Variants in KCNQ5 observed in about 807,000 individuals in gnomAD.
KCNQ5 encodes potassium voltage-gated channel subfamily Q member 5.
A neutral mutation model predicts 98.2 loss-of-function variants in KCNQ5; 30 were observed. The ratio of observed to expected loss-of-function variants is 0.31; its 90% CI spans 0.23 to 0.41. The LOEUF is 0.41. KCNQ5 is among the 10% of genes least tolerant of loss of function. The pLI, the probability that KCNQ5 is intolerant of heterozygous loss-of-function variation, is 1.00. For synonymous variants in KCNQ5, 458 were observed against 449.4 expected (o/e 1.02, Z -0.24); for missense variants, 835 against 1,182.5 (o/e 0.71, Z 4.31).
chr6:72,648,489 C>G (rs1454675125), intron 1 of KCNQ5, among the ~76,000 whole-genome samples: 1 of 151,974 alleles, frequency 6.6e-6, no homozygotes, highest in African/African-American at 2.4e-5. Flanking sequence ...AATAAAGGTG[C>G]AAAAACATTT....
intron 1 of KCNQ5, among the ~76,000 whole-genome samples, chr6:72,808,323 A>C (rs2150101145): frequency 6.6e-6 from 1 of 152,332 alleles, no homozygotes; most frequent in South Asian, 2.1e-4. Context: ...GGAGAGATGC[A>C]ATATGAAGAA....
At chr6:72,881,171 T>C (rs1283316583) in intron 1 of KCNQ5, among the ~76,000 whole-genome samples, 2 of 152,188 alleles carry the variant, frequency 1.3e-5, no homozygotes, top group African/African-American at 2.4e-5. Context: ...ATTATCACTA[T>C]CTTAGGGATA....
intron 11 of KCNQ5, among the ~76,000 whole-genome samples, chr6:73,175,732 C>G (rs1778187391): frequency 6.6e-6 from 1 of 152,102 alleles, no homozygotes; most frequent in African/African-American, 2.4e-5. Context: ...TAAACGTTAA[C>G]AAAAAAGATG....
rs567390913 is a variant in KCNQ5 at position 73,006,345 on chromosome 6, G to A, written c.489+2347G>A. Among the ~76,000 whole-genome samples the A allele has an allele frequency of 5.8e-5, 8 of 138,746 alleles. No homozygotes were observed. In the South Asian group the frequency reaches 1.7e-3, roughly 29 times the overall value. 91.0% of individuals were successfully genotyped at this position (138,746 alleles called of 152,430 possible). ...AGGATTATCATTGAAATAGTAAAAA[G>A]CAATGGCTTTTAAAATGCTTGCAAG... On this transcript the variant is annotated intron_variant, in intron 2 of 13. Transcript: ENST00000370398.
intron 1 of KCNQ5, among the ~76,000 whole-genome samples, chr6:72,973,175 G>C (rs1562102578): frequency 6.6e-6 from 1 of 152,102 alleles, no homozygotes; most frequent in Non-Finnish European, 1.5e-5. Flanking sequence ...ATAATTTATT[G>C]GTCATAGGTT....
chr6:73,055,376 G>T, intron 3 of KCNQ5: 4 of 1,475,042 alleles, frequency 2.7e-6, no homozygotes, highest in Non-Finnish European at 3.8e-6. Context: ...GGCTCTAGCC[G>T]GTCTCAATAA....
At chr6:72,761,028 G>T (rs1011382926) in intron 1 of KCNQ5, among the ~76,000 whole-genome samples, 1 of 151,774 alleles carries the variant, frequency 6.6e-6, no homozygotes, top group Non-Finnish European at 1.5e-5. Context: ...TCTCATTTTG[G>T]GTGGTGTCTT....
chr6:72,625,030 T>TTAA (rs1450497526), intron 1 of KCNQ5, among the ~76,000 whole-genome samples: 1 of 152,196 alleles, frequency 6.6e-6, no homozygotes, highest in African/African-American at 2.4e-5. Context: ...AAATCTTATT[T>TTAA]TAATAACAGT....
intron 6 of KCNQ5, among the ~76,000 whole-genome samples, chr6:73,108,284 T>C (rs962248256): frequency 6.6e-6 from 1 of 152,176 alleles, no homozygotes; most frequent in African/African-American, 2.4e-5. Flanking sequence ...CAGGTCTTTC[T>C]CCTTTTTAGA....
chr6:73,195,243 G>A lies in KCNQ5; in HGVS notation c.2628G>A (p.Val876=). 1.2e-6 allele frequency: 2 copies of A among 1,614,134 alleles called. No homozygotes were observed. Among genetic ancestry groups the A allele is most frequent in the Non-Finnish European group, 1.7e-6 (2 of 1,180,034 alleles). The part of the protein sequence containing the change: ...ESKLFITDEE[V]GPEETETDTF... ...AATTGTTTATAACTGATGAAGAGGT[G>A]GGTCCCGAAGAGACAGAGACAGACA... Residue 876 remains valine (V), a synonymous_variant, in exon 14 of 14, where the codon GTG becomes GTA. Coordinates refer to ENST00000370398, the MANE Select transcript of KCNQ5 (RefSeq NM_019842.4).
intron 1 of KCNQ5, among the ~76,000 whole-genome samples, chr6:72,882,116 T>G (rs1778655109): frequency 6.6e-6 from 1 of 152,238 alleles, no homozygotes; most frequent in South Asian, 2.1e-4. Context: ...TAAATTTATC[T>G]GGACACTTGC....
chr6:72,900,592 C>T (rs9360614), intron 1 of KCNQ5, among the ~76,000 whole-genome samples: 43,624 of 149,718 alleles, frequency 0.29, 6,551 homozygotes, highest in Non-Finnish European at 0.32. Context: ...TTTGCAGTTG[C>T]GAATTGTGCT....
In KCNQ5 at chr6:73,154,678, A is replaced by G. The variant is rs553873475; in HGVS notation, c.1469-15068A>G. On this transcript the variant is annotated intron_variant, in intron 10 of 13. Coordinates refer to ENST00000370398, the MANE Select transcript of KCNQ5 (RefSeq NM_019842.4). ...TTCCACCTAAAAATAAACACGCAGCATACTATATTTATTCAACAAATATTT... is the reference window on the plus strand; with the variant it reads ...TTCCACCTAAAAATAAACACGCAGCGTACTATATTTATTCAACAAATATTT... Among the ~76,000 whole-genome samples the G allele has an allele frequency of 4.1e-4, 63 of 152,336 alleles. 3 individuals are homozygous for G. In the South Asian group the frequency reaches 0.012, roughly 29 times the overall value.
chr6:72,721,767 T>C (rs1769969991), intron 1 of KCNQ5, among the ~76,000 whole-genome samples: 1 of 152,212 alleles, frequency 6.6e-6, no homozygotes, highest in African/African-American at 2.4e-5. Context: ...TTAATCATGC[T>C]ACTTCCCTGT....
intron 1 of KCNQ5, among the ~76,000 whole-genome samples, chr6:72,669,186 T>C (rs1323593126): frequency 6.6e-6 from 1 of 152,148 alleles, no homozygotes; most frequent in African/African-American, 2.4e-5. Flanking sequence ...GTATGATTCA[T>C]CATGAGGCAA....
chr6:72,988,771 C>T (rs1450382788), intron 1 of KCNQ5, among the ~76,000 whole-genome samples: 4 of 111,864 alleles, frequency 3.6e-5, no homozygotes, highest in Non-Finnish European at 3.6e-5. Flanking sequence ...TGTCATCTAG[C>T]ATTAGGTATA....
At chr6:72,860,340 C>T (rs1364312764) in intron 1 of KCNQ5, among the ~76,000 whole-genome samples, 3 of 152,010 alleles carry the variant, frequency 2.0e-5, no homozygotes, top group Non-Finnish European at 4.4e-5. Context: ...TTCAACAGGA[C>T]CTTTTCAACA....
In KCNQ5 at chr6:72,966,014, G is replaced by T. The variant is rs114834384; in HGVS notation, c.399-37894G>T. Among the ~76,000 whole-genome samples the T allele has an allele frequency of 2.6e-3, 398 of 152,292 alleles. 3 individuals are homozygous for T. The highest frequency in any genetic ancestry group is 9.2e-3 in the African/African-American group (382 of 41,566). Reference sequence around the variant, plus strand: ...CCCAAGGCCGTGTGCTGGAGCAGAAGGGGAGGTGCTGCCTCCAGTCGAGTT... The same window carrying T: ...CCCAAGGCCGTGTGCTGGAGCAGAATGGGAGGTGCTGCCTCCAGTCGAGTT... On this transcript the variant is annotated intron_variant, in intron 1 of 13. Coordinates refer to ENST00000370398, the MANE Select transcript of KCNQ5 (RefSeq NM_019842.4).
chr6:72,727,954 G>A (rs1770374070), intron 1 of KCNQ5, among the ~76,000 whole-genome samples: 1 of 152,146 alleles, frequency 6.6e-6, no homozygotes, highest in Admixed American at 6.5e-5. Flanking sequence ...ATATGAGGCA[G>A]GGTCTTCTCA....
Sources: allele counts gnomAD v4.1 joint callset (sites outside exome capture counted in the v4.1 genomes callset), GRCh38; gene constraint gnomAD v4.1.1; transcripts MANE v1.5; gene names NCBI Gene and HGNC (gene_info 2026-07-23, HGNC 2026-07-21).